The following CELF2 variants were observed in gnomAD, a reference collection of about 807,000 sequenced individuals.
The protein encoded by CELF2 is CUGBP Elav-like family member 2.
In CELF2, 8 loss-of-function variants were observed where a neutral mutation model predicts 62.6. The observed-to-expected ratio is 0.13, with a 90% CI of 0.07 to 0.23. CELF2 has a LOEUF of 0.23. CELF2 is among the 10% of genes least tolerant of loss of function. The pLI is 1.00. For missense variants in CELF2, 333 were observed against 671.0 expected (o/e 0.50, Z 5.56); for synonymous variants, 258 against 250.0 (o/e 1.03, Z -0.30).
chr10:10,711,994 A>G, the CELF2 span, among the ~76,000 whole-genome samples: 1 of 152,098 alleles, frequency 6.6e-6, no homozygotes, highest in Non-Finnish European at 1.5e-5. Flanking sequence ...GCAAGGAAGA[A>G]GCCGAGCAGT....
chr10:10,640,978 A>G, the CELF2 span, among the ~76,000 whole-genome samples: 2 of 152,168 alleles, frequency 1.3e-5, no homozygotes, highest in South Asian at 2.1e-4. Flanking sequence ...CTATAAGTCA[A>G]TGACATGAGT....
chr10:11,004,417 G>GCA (rs2054854406), upstream of CELF2, among the ~76,000 whole-genome samples: 2 of 142,624 alleles, frequency 1.4e-5, no homozygotes, highest in African/African-American at 3.0e-5. This position sits in a 1 kb window ranked among gnomAD's most constrained non-coding sequence, Gnocchi z 5.0. Context: ...GTGTGTGTGC[G>GCA]CGCGCGTGTG....
chr10:11,216,074 A>G (rs1162140488), intron 2 of CELF2, among the ~76,000 whole-genome samples: 1 of 152,194 alleles, frequency 6.6e-6, no homozygotes, highest in Non-Finnish European at 1.5e-5. Flanking sequence ...AGTTCCCTTC[A>G]TTCAAGTGAT....
the CELF2 span, among the ~76,000 whole-genome samples, chr10:10,583,457 C>G: frequency 5.8e-4 from 88 of 152,246 alleles, no homozygotes; most frequent in African/African-American, 2.1e-3. Context: ...GAAGTGGTCT[C>G]TCAATGCCCC....
At chr10:10,591,049 G>A in the CELF2 span, among the ~76,000 whole-genome samples, 1 of 152,020 alleles carries the variant, frequency 6.6e-6, no homozygotes, top group East Asian at 1.9e-4. Flanking sequence ...GTGTTCACGA[G>A]AATATAAAAC....
In CELF2 at chr10:11,227,604, A is replaced by C. The variant is rs2067067743; in HGVS notation, c.354+10097A>C. Among the ~76,000 whole-genome samples, 1 of 152,182 alleles carries C rather than the reference A, an allele frequency of 6.6e-6. No individual in the cohort carries two copies. The highest frequency in any genetic ancestry group is 6.5e-5 in the Admixed American group (1 of 15,276). On this transcript the variant is annotated intron_variant, in intron 3 of 12. Transcript: ENST00000633077. This position sits in a 1 kb window ranked among gnomAD's most constrained non-coding sequence, Gnocchi z 4.8. The stretch of plus-strand genomic sequence containing the variant: ...CCATCACATTGTGGTTTTTGCTGTT[A>C]TCTGCTGTTAGATTCGGCCGGAATC...
intron 1 of CELF2, among the ~76,000 whole-genome samples, chr10:10,910,255 T>G (rs757987673): frequency 6.6e-5 from 10 of 152,216 alleles, no homozygotes; most frequent in Non-Finnish European, 1.2e-4. Flanking sequence ...TGAATTGCAG[T>G]GCAGCTTAGA....
intron 1 of CELF2, among the ~76,000 whole-genome samples, chr10:11,051,267 G>A (rs2063863221): frequency 6.6e-6 from 1 of 152,212 alleles, no homozygotes; most frequent in Non-Finnish European, 1.5e-5. Context: ...CAGTGATACA[G>A]ATGCTATCTT....
the CELF2 span, among the ~76,000 whole-genome samples, chr10:10,637,416 C>T: frequency 3.3e-5 from 5 of 152,182 alleles, no homozygotes; most frequent in East Asian, 1.9e-4. Context: ...CTTCCTTAGC[C>T]TCCCAGACAG....
the CELF2 span, among the ~76,000 whole-genome samples, chr10:10,732,597 C>T: frequency 4.7e-5 from 7 of 148,336 alleles, no homozygotes; most frequent in African/African-American, 1.2e-4. Flanking sequence ...ATTCTTGGCT[C>T]ACTGCAACCT....
chr10:10,883,616 T>C (rs1020850768), intron 1 of CELF2, among the ~76,000 whole-genome samples: 2 of 152,112 alleles, frequency 1.3e-5, no homozygotes, highest in African/African-American at 2.4e-5. Context: ...AGTGACTTTG[T>C]GAAGGGGACA....
chr10:10,709,274 A>T, the CELF2 span, among the ~76,000 whole-genome samples: 1 of 152,244 alleles, frequency 6.6e-6, no homozygotes, highest in Non-Finnish European at 1.5e-5. Context: ...GACTGTAATT[A>T]ACATTCAGAA....
At chr10:10,574,564 A>C in the CELF2 span, among the ~76,000 whole-genome samples, 2 of 152,220 alleles carry the variant, frequency 1.3e-5, no homozygotes, top group Admixed American at 6.5e-5. Flanking sequence ...TTTAAAAAGT[A>C]TGGGTCTTCT....
rs2066681910 is a variant in CELF2, at chr10:11,165,172, C to G, written c.75-314C>G. 1 of 1,200,714 alleles carries G rather than the reference C, an allele frequency of 8.3e-7. No individual in the cohort carries two copies. Among genetic ancestry groups the G allele is most frequent in the Non-Finnish European group, 1.0e-6 (1 of 959,504 alleles). The allele number at this position is 1,200,714 out of a possible 1,614,324, so 74.4% of individuals were successfully genotyped here. A position where few individuals can be genotyped will look rare whatever the true frequency, so the allele number is the denominator to read the frequency against. ...TGATGGCAGCCTTGCAGAGCTAGAC[C>G]TGCACTTAACTTGCAGCTGCCTCCC... On this transcript the variant is annotated intron_variant, in intron 1 of 12. Coordinates refer to ENST00000633077, the MANE Select transcript of CELF2 (RefSeq NM_001326342.2). The surrounding 1 kb of genome is among the most constrained non-coding windows in gnomAD (Gnocchi z 7.4).
In CELF2 at chr10:11,319,935, T is replaced by G; in HGVS notation, c.1097-1254T>G. On this transcript the variant is annotated intron_variant, in intron 10 of 12. Coordinates refer to ENST00000633077, the MANE Select transcript of CELF2 (RefSeq NM_001326342.2). This position sits in a 1 kb window ranked among gnomAD's most constrained non-coding sequence, Gnocchi z 4.4. ...CTCTGCTGCCGGATTCTCTGGTGTT[T>G]CCAGGCAGCCTTACCTTAGCTGTCC... The G allele has an allele frequency of 4.3e-6, 2 of 467,070 alleles. No homozygotes were observed. The highest frequency in any genetic ancestry group is 8.9e-6 in the Non-Finnish European group (2 of 225,688). 28.9% of individuals were successfully genotyped at this position (467,070 alleles called of 1,614,324 possible).
the CELF2 span, among the ~76,000 whole-genome samples, chr10:10,746,076 A>G: frequency 1.3e-5 from 2 of 152,226 alleles, no homozygotes; most frequent in African/African-American, 2.4e-5. Context: ...AGTCCAGGGC[A>G]TGAATTCTCC....
At chr10:10,652,600 G>C in the CELF2 span, among the ~76,000 whole-genome samples, 2 of 150,504 alleles carry the variant, frequency 1.3e-5, no homozygotes, top group Non-Finnish European at 3.0e-5. Context: ...TTTCAACCCA[G>C]AATTTCATAT....
At chr10:10,913,900 A>T (rs1258578707) in intron 1 of CELF2, among the ~76,000 whole-genome samples, 1 of 73,566 alleles carries the variant, frequency 1.4e-5, no homozygotes, top group Non-Finnish European at 2.5e-5. Context: ...GAAGGGAGGG[A>T]GGGAGGGACG....
At chr10:10,655,086 G>C in the CELF2 span, among the ~76,000 whole-genome samples, 3 of 150,384 alleles carry the variant, frequency 2.0e-5, no homozygotes, top group Admixed American at 1.3e-4. Flanking sequence ...CAGACAAATA[G>C]AGAGCCAAAT....
Sources: gnomAD v4.1 joint callset for allele counts (sites outside exome capture counted in the v4.1 genomes callset) on GRCh38, gnomAD v4.1.1 for gene constraint, Gnocchi (gnomAD v3.1) non-coding constraint, MANE v1.5 for transcripts, NCBI Gene and HGNC (gene_info 2026-07-23, HGNC 2026-07-21) for gene names.